PLEKHA7: variants seen among roughly 807,000 people sequenced by gnomAD.
PLEKHA7 encodes pleckstrin homology domain-containing family A member 7.
In PLEKHA7, 104 loss-of-function variants were observed where a neutral mutation model predicts 170.0. The ratio of observed to expected loss-of-function variants is 0.61; its 90% CI spans 0.52 to 0.72. The LOEUF (loss-of-function observed/expected upper bound fraction) is 0.72. PLEKHA7 is among the 30% of genes least tolerant of loss of function. The probability of loss-of-function intolerance (pLI) is 0.00; values close to 1 mark genes in which losing one functional copy is unlikely to be tolerated. For synonymous variants in PLEKHA7, 648 were observed against 660.8 expected, an observed-to-expected ratio of 0.98 and a Z score of 0.30; for missense variants, 1,615 against 1,671.7, an observed-to-expected ratio of 0.97 and a Z score of 0.59.
chr11:16,842,448 A>C (rs1276399678), intron 8 of PLEKHA7: 1 of 152,162 alleles, frequency 6.6e-6, no homozygotes, highest in Non-Finnish European at 1.5e-5. Flanking sequence ...AGGGTATACT[A>C]GTAGCTGCAG....
intron 3 of PLEKHA7, among the ~76,000 whole-genome samples, chr11:16,997,069 T>C (rs1864386327): frequency 6.6e-6 from 1 of 152,220 alleles, no homozygotes; most frequent in African/African-American, 2.4e-5. Flanking sequence ...TGGACTGATT[T>C]GTGGACACAT....
chr11:16,790,675 CCT>C (rs1847776962), intron 21 of PLEKHA7, 121 bp downstream of exon 21: 3 of 956,076 alleles, frequency 3.1e-6, no homozygotes, highest in African/African-American at 3.3e-5. Flanking sequence ...CCCAGACCCC[CCT>C]GACAGCTGCT....
At chr11:16,999,151 A>G (rs1054292249) in intron 3 of PLEKHA7, among the ~76,000 whole-genome samples, 2 of 152,018 alleles carry the variant, frequency 1.3e-5, no homozygotes, top group Non-Finnish European at 2.9e-5. Flanking sequence ...TTCCCCCAGG[A>G]CCAGCTCAGG....
chr11:16,911,991 C>T (rs1346383005), intron 3 of PLEKHA7, among the ~76,000 whole-genome samples: 1 of 152,172 alleles, frequency 6.6e-6, no homozygotes, highest in Non-Finnish European at 1.5e-5. Flanking sequence ...GGCTTCCCAT[C>T]AAGCCAATCC....
intron 3 of PLEKHA7, among the ~76,000 whole-genome samples, chr11:16,948,066 A>G (rs768388713): frequency 6.6e-6 from 1 of 152,256 alleles, no homozygotes; most frequent in Non-Finnish European, 1.5e-5. Flanking sequence ...TTGTAAAGCA[A>G]GCAAAGCACA....
chr11:16,831,816 A>G (rs1851137206), intron 9 of PLEKHA7, among the ~76,000 whole-genome samples: 1 of 152,214 alleles, frequency 6.6e-6, no homozygotes, highest in South Asian at 2.1e-4. Flanking sequence ...ACAGCACAGC[A>G]CAGTGTCTGG....
At chr11:16,880,412 A>G (rs1173556864) in intron 3 of PLEKHA7, among the ~76,000 whole-genome samples, 2 of 152,246 alleles carry the variant, frequency 1.3e-5, no homozygotes, top group East Asian at 1.9e-4. Context: ...AAGAACACTG[A>G]TAACATCCCA....
intron 3 of PLEKHA7, among the ~76,000 whole-genome samples, chr11:16,979,064 G>C (rs1163865438): frequency 6.6e-6 from 1 of 152,158 alleles, no homozygotes; most frequent in Non-Finnish European, 1.5e-5. Context: ...TTGAGACGCA[G>C]TCTTGTTGTG....
chr11:16,972,972 G>A (rs950417483), intron 3 of PLEKHA7, among the ~76,000 whole-genome samples: 20 of 152,334 alleles, frequency 1.3e-4, no homozygotes, highest in Admixed American at 1.1e-3. Context: ...TAGAAAGAAA[G>A]TGGATTAATA....
chr11:16,779,510 G>T (rs1293091117), intron 26 of PLEKHA7, among the ~76,000 whole-genome samples: 1 of 152,174 alleles, frequency 6.6e-6, no homozygotes, highest in Admixed American at 6.5e-5. Flanking sequence ...GCCTCTCTGT[G>T]ACTGAGCGCT....
At chr11:16,967,112 A>T (rs1348733717) in intron 3 of PLEKHA7, among the ~76,000 whole-genome samples, 1 of 152,216 alleles carries the variant, frequency 6.6e-6, no homozygotes, top group South Asian at 2.1e-4. Flanking sequence ...GCATTCTAAG[A>T]CACACATGCT....
intron 3 of PLEKHA7, among the ~76,000 whole-genome samples, chr11:16,972,927 G>A (rs1288057614): frequency 6.6e-6 from 1 of 152,154 alleles, no homozygotes; most frequent in African/African-American, 2.4e-5. Flanking sequence ...TAAGCCCCAA[G>A]GCCTCCAGAA....
At chr11:16,952,377 G>C (rs1272096425) in intron 3 of PLEKHA7, among the ~76,000 whole-genome samples, 1 of 152,152 alleles carries the variant, frequency 6.6e-6, no homozygotes, top group African/African-American at 2.4e-5. Flanking sequence ...TTCTGCTAAG[G>C]AGGGCAGAAA....
intron 10 of PLEKHA7, among the ~76,000 whole-genome samples, chr11:16,819,710 C>T (rs1015412848): frequency 1.3e-5 from 2 of 152,110 alleles, no homozygotes; most frequent in Admixed American, 6.5e-5. Flanking sequence ...AGACAAATAC[C>T]GTGTATGACC....
intron 9 of PLEKHA7, among the ~76,000 whole-genome samples, chr11:16,829,167 G>C (rs1850903175): frequency 6.7e-6 from 1 of 149,868 alleles, no homozygotes; most frequent in East Asian, 2.0e-4. Flanking sequence ...GTTTTAATTA[G>C]CTCTGCTAAT....
intron 3 of PLEKHA7, among the ~76,000 whole-genome samples, chr11:16,948,273 G>A (rs1160068778): frequency 6.6e-6 from 1 of 152,160 alleles, no homozygotes; most frequent in Non-Finnish European, 1.5e-5. Flanking sequence ...GGTGAGTACA[G>A]TAAATAACAA....
At position 16,833,981 on chromosome 11, in the gene PLEKHA7, T is replaced by TTATATATATATATATATA. The variant is rs10525520; in HGVS notation, c.873-7392_873-7391insTATATATATATATATATA. On this transcript the variant is annotated intron_variant, in intron 9 of 26. Coordinates refer to ENST00000531066, the MANE Select transcript of PLEKHA7 (RefSeq NM_001329630.2). The stretch of plus-strand genomic sequence containing the variant: ...GGTGGATCACCTGAGCTCAGGAGTT[T>TTATATATATATATATATA]TATATATAGATATATGTTTTTTGTT... 1.4e-3 allele frequency among the ~76,000 whole-genome samples: 209 copies of TTATATATATATATATATA among 151,250 alleles called. 1 individual carries two copies. Among genetic ancestry groups the TTATATATATATATATATA allele is most frequent in the East Asian group, 3.9e-3 (20 of 5,074 alleles).
At chr11:16,833,108 G>A (rs1438826630) in intron 9 of PLEKHA7, among the ~76,000 whole-genome samples, 3 of 152,280 alleles carry the variant, frequency 2.0e-5, no homozygotes, top group African/African-American at 7.2e-5. Flanking sequence ...CTTTTCCCCA[G>A]AGTTAAATAG....
rs751928210 is a variant in PLEKHA7, at chr11:16,895,535, CAG to C, written c.222-24355_222-24354del. Among the ~76,000 whole-genome samples, 48 of 152,276 alleles carry C rather than the reference CAG, an allele frequency of 3.2e-4. 1 individual carries two copies. In the Middle Eastern group the frequency reaches 0.01, roughly 32 times the overall value. On this transcript the variant is annotated intron_variant, in intron 3 of 26. Coordinates refer to ENST00000531066, the MANE Select transcript of PLEKHA7 (RefSeq NM_001329630.2). ...TGTCAGCAGGGAGGGATGCAGACAG[CAG>C]AGAGAGAGCTCAGTGAATCACTTTT...
Sources: gnomAD v4.1 joint callset for allele counts (sites outside exome capture counted in the v4.1 genomes callset) on GRCh38, gnomAD v4.1.1 for gene constraint, MANE v1.5 for transcripts, NCBI Gene and HGNC (gene_info 2026-07-23, HGNC 2026-07-21) for gene names.